Variants in DACH1 observed in about 807,000 individuals in gnomAD.
The protein encoded by DACH1 is dachshund family transcription factor 1.
Under a neutral mutation model 54.2 loss-of-function variants are expected in DACH1, and 12 were observed. The ratio of observed to expected loss-of-function variants is 0.22; its 90% CI spans 0.14 to 0.36. The LOEUF (loss-of-function observed/expected upper bound fraction) is 0.36, where lower values mean the gene tolerates loss of function less well. Among genes scored for constraint, DACH1 ranks in the 10% least tolerant of loss-of-function variants. DACH1 has a pLI of 1.00. For synonymous variants in DACH1, 386 were observed against 366.2 expected (o/e 1.05, Z -0.62); for missense variants, 805 against 929.8 (o/e 0.87, Z 1.75).
chr13:71,497,618 C>T (rs1281771685), intron 6 of DACH1, among the ~76,000 whole-genome samples: 1 of 152,100 alleles, frequency 6.6e-6, no homozygotes, highest in Non-Finnish European at 1.5e-5. Flanking sequence ...AGGCGTGAGC[C>T]ACTGCGCCCC....
At chr13:71,448,640 A>G (rs1450704957) in intron 10 of DACH1, among the ~76,000 whole-genome samples, 1 of 152,256 alleles carries the variant, frequency 6.6e-6, no homozygotes, top group Non-Finnish European at 1.5e-5. Flanking sequence ...GAAATATTTT[A>G]GTGAGACTGA....
intron 3 of DACH1, among the ~76,000 whole-genome samples, chr13:71,604,305 A>G (rs1416840683): frequency 6.6e-6 from 1 of 151,996 alleles, no homozygotes; most frequent in Non-Finnish European, 1.5e-5. Context: ...AATAAACATC[A>G]AATCAAGTGA....
intron 6 of DACH1, among the ~76,000 whole-genome samples, chr13:71,531,555 A>C (rs1338211448): frequency 6.6e-6 from 1 of 152,054 alleles, no homozygotes; most frequent in Admixed American, 6.6e-5. Context: ...TTTAATTTGC[A>C]TAATGAGCTT....
intron 1 of DACH1, among the ~76,000 whole-genome samples, chr13:71,692,240 G>A (rs1486291696): frequency 1.3e-5 from 2 of 152,042 alleles, no homozygotes; most frequent in Non-Finnish European, 2.9e-5. Flanking sequence ...GGTTTACAAA[G>A]CAGGTAGTTA....
intron 6 of DACH1, among the ~76,000 whole-genome samples, chr13:71,535,190 A>C (rs1040559751): frequency 3.3e-5 from 5 of 151,874 alleles, no homozygotes; most frequent in African/African-American, 1.2e-4. Context: ...GTATTATACA[A>C]TTTATAATGT....
At chr13:71,572,646 G>T (rs936879869) in intron 4 of DACH1, among the ~76,000 whole-genome samples, 194 bp downstream of exon 4, 3 of 152,064 alleles carry the variant, frequency 2.0e-5, no homozygotes, top group Admixed American at 2.0e-4. Flanking sequence ...GATATATAGA[G>T]AATTTAAAGC....
intron 4 of DACH1, among the ~76,000 whole-genome samples, chr13:71,567,236 T>C (rs1047360630): frequency 6.6e-6 from 1 of 152,018 alleles, no homozygotes; most frequent in African/African-American, 2.4e-5. Context: ...AAAACTGTAA[T>C]GTGTCATAAG....
intron 10 of DACH1, among the ~76,000 whole-genome samples, chr13:71,443,068 A>G (rs1473568767): frequency 6.7e-6 from 1 of 148,338 alleles, no homozygotes; most frequent in East Asian, 1.9e-4. Flanking sequence ...TATATATATT[A>G]TTAAATGTAA....
At chr13:71,796,238 T>A (rs951977379) in intron 1 of DACH1, among the ~76,000 whole-genome samples, 1 of 152,158 alleles carries the variant, frequency 6.6e-6, no homozygotes, top group Non-Finnish European at 1.5e-5. Flanking sequence ...TGTACCAGAA[T>A]ATCATTAAAA....
rs375164155 is a variant in DACH1, at chr13:71,497,369, T to C, written c.1571-8221A>G. On this transcript the variant is annotated intron_variant, in intron 6 of 10. Transcript: ENST00000613252. Reference sequence around the variant, plus strand: ...TTTTTGAGACTGAGTTTCGCTCTTATTGCCCAGACTGGAGTACAATGGCTC... The same window carrying C: ...TTTTTGAGACTGAGTTTCGCTCTTACTGCCCAGACTGGAGTACAATGGCTC... Among the ~76,000 whole-genome samples, 15 of 152,142 alleles carry C rather than the reference T, an allele frequency of 9.9e-5. No homozygotes were observed. In the South Asian group the frequency reaches 3.1e-3, roughly 32 times the overall value.
At chr13:71,675,762 A>G (rs1880528412) in intron 2 of DACH1, among the ~76,000 whole-genome samples, 2 of 152,202 alleles carry the variant, frequency 1.3e-5, no homozygotes, top group Admixed American at 1.3e-4. Flanking sequence ...TATAATAATC[A>G]TAAATAAACC....
chr13:71,659,779 C>G (rs1879374702), intron 2 of DACH1, among the ~76,000 whole-genome samples: 1 of 152,014 alleles, frequency 6.6e-6, no homozygotes, highest in Admixed American at 6.6e-5. Context: ...GAATTTATTC[C>G]TGCTTTAAGA....
At chr13:71,645,007 A>C (rs1164309688) in intron 2 of DACH1, among the ~76,000 whole-genome samples, 1 of 152,220 alleles carries the variant, frequency 6.6e-6, no homozygotes, top group Non-Finnish European at 1.5e-5. Flanking sequence ...TATTCATAGA[A>C]TATTAAGGAT....
chr13:71,841,552 A>C (rs1236185060), intron 1 of DACH1, among the ~76,000 whole-genome samples: 1 of 152,192 alleles, frequency 6.6e-6, no homozygotes, highest in Non-Finnish European at 1.5e-5. Flanking sequence ...CACCATAAAT[A>C]AACTGTGAAA....
intron 8 of DACH1, among the ~76,000 whole-genome samples, chr13:71,478,023 A>G (rs912078991): frequency 1.3e-5 from 2 of 152,210 alleles, no homozygotes; most frequent in Non-Finnish European, 2.9e-5. Context: ...CCAGTAACCA[A>G]AGGGTTACTT....
At chr13:71,833,025 G>A (rs1452062780) in intron 1 of DACH1, among the ~76,000 whole-genome samples, 7 of 151,822 alleles carry the variant, frequency 4.6e-5, no homozygotes, top group African/African-American at 1.4e-4. Context: ...TCAGAAAGAC[G>A]CTAACAGGGA....
chr13:71,560,515 T>C (rs934053628), intron 4 of DACH1, among the ~76,000 whole-genome samples: 1 of 152,146 alleles, frequency 6.6e-6, no homozygotes, highest in African/African-American at 2.4e-5. Context: ...TTTTCTTTGG[T>C]TTAAATAATT....
In DACH1 at chr13:71,849,741, G is replaced by T. The variant is rs140957978; in HGVS notation, c.848+16181C>A. 3.7e-3 allele frequency among the ~76,000 whole-genome samples: 559 copies of T among 152,300 alleles called. 2 individuals are homozygous for T. The highest frequency in any genetic ancestry group is 0.013 in the African/African-American group (528 of 41,564). ...CACTGTACTAGAGACAGATGGAGCA[G>T]ATCAGAGAAGATTCTAATATTCTTC... On this transcript the variant is annotated intron_variant, in intron 1 of 10. Coordinates refer to ENST00000613252, the MANE Select transcript of DACH1 (RefSeq NM_080759.6).
intron 6 of DACH1, among the ~76,000 whole-genome samples, chr13:71,515,120 T>C (rs1881066277): frequency 1.3e-5 from 2 of 151,940 alleles, no homozygotes; most frequent in East Asian, 1.9e-4. Context: ...TTTTCCAGAA[T>C]ACATTTTCCA....
Sources: allele counts gnomAD v4.1 joint callset (sites outside exome capture counted in the v4.1 genomes callset), GRCh38; gene constraint gnomAD v4.1.1; transcripts MANE v1.5; gene names NCBI Gene and HGNC (gene_info 2026-07-23, HGNC 2026-07-21).